The following RUNX2 variants were observed in gnomAD, a reference collection of about 807,000 sequenced individuals.
RUNX2 encodes runt-related transcription factor 2.
In RUNX2, 10 loss-of-function variants were observed where a neutral mutation model predicts 51.7. The observed-to-expected ratio is 0.19, with a 90% CI of 0.12 to 0.33. The LOEUF (loss-of-function observed/expected upper bound fraction) is 0.33, where lower values mean the gene tolerates loss of function less well. Among genes scored for constraint, RUNX2 ranks in the 10% least tolerant of loss-of-function variants. The pLI, the probability that RUNX2 is intolerant of heterozygous loss-of-function variation, is 1.00. For missense variants in RUNX2, 562 were observed against 691.3 expected (o/e 0.81, Z 2.10); for synonymous variants, 276 against 273.6 (o/e 1.01, Z -0.09).
At chr6:45,421,178 A>G (rs143223327) in intron 2 of RUNX2, 5 of 152,338 alleles carry the variant, frequency 3.3e-5, no homozygotes, top group African/African-American at 1.2e-4. Context: ...TTAATAAAAT[A>G]TTTAAATTCA....
At chr6:45,388,499 C>G (rs1327627968) in intron 2 of RUNX2, among the ~76,000 whole-genome samples, 1 of 152,184 alleles carries the variant, frequency 6.6e-6, no homozygotes, top group Non-Finnish European at 1.5e-5. Flanking sequence ...ATCAGATACT[C>G]TGGGGGGCGG....
At chr6:45,426,764 G>A (rs1798393708) in intron 3 of RUNX2, among the ~76,000 whole-genome samples, 1 of 152,128 alleles carries the variant, frequency 6.6e-6, no homozygotes. Flanking sequence ...TTCAGTGCTT[G>A]TCAAAAGGAG....
At chr6:45,537,169 A>C (rs890312483) in intron 7 of RUNX2, among the ~76,000 whole-genome samples, 2 of 152,206 alleles carry the variant, frequency 1.3e-5, no homozygotes, top group African/African-American at 4.8e-5. Context: ...TCAGAACACC[A>C]GTGGTAAAGA....
chr6:45,503,995 C>T (rs538038368), intron 6 of RUNX2, among the ~76,000 whole-genome samples: 4 of 152,238 alleles, frequency 2.6e-5, no homozygotes, highest in African/African-American at 9.6e-5. Context: ...GCCTGGTGTA[C>T]CCTACATAGC....
chr6:45,350,251 G>C (rs1791745128), intron 2 of RUNX2, among the ~76,000 whole-genome samples: 1 of 152,088 alleles, frequency 6.6e-6, no homozygotes, highest in Admixed American at 6.6e-5. Context: ...TACACAGTAG[G>C]CACCCACTTG....
intron 5 of RUNX2, among the ~76,000 whole-genome samples, chr6:45,468,553 C>T (rs557869983): frequency 6.6e-6 from 1 of 152,220 alleles, no homozygotes; most frequent in Non-Finnish European, 1.5e-5. Context: ...GTTGAAGCTC[C>T]TAATGAAACA....
chr6:45,453,962 T>C (rs1451375824), intron 5 of RUNX2, among the ~76,000 whole-genome samples: 1 of 152,242 alleles, frequency 6.6e-6, no homozygotes, highest in Admixed American at 6.5e-5. Flanking sequence ...CCCCTTTCTG[T>C]ATATTATATA....
chr6:45,475,015 T>A (rs1261141805), intron 5 of RUNX2, among the ~76,000 whole-genome samples: 1 of 151,214 alleles, frequency 6.6e-6, no homozygotes, highest in South Asian at 2.1e-4. Context: ...TCCCAGCTAC[T>A]GAGGAGGCTG....
chr6:45,367,581 G>A (rs572276587), intron 2 of RUNX2, among the ~76,000 whole-genome samples: 1 of 152,214 alleles, frequency 6.6e-6, no homozygotes, highest in South Asian at 2.1e-4. Flanking sequence ...AAGACCTCAG[G>A]AAATGTTCCC....
At chr6:45,457,646 A>G (rs1019617731) in intron 5 of RUNX2, among the ~76,000 whole-genome samples, 1 of 152,172 alleles carries the variant, frequency 6.6e-6, no homozygotes, top group Non-Finnish European at 1.5e-5. Flanking sequence ...AATTATTATT[A>G]TTTTTTATTC....
rs149497591 is a variant in RUNX2, at chr6:45,431,177, A to G, written c.424-686A>G. Reference sequence around the variant, plus strand: ...GATGGCAGATGGGACACAAGACATAATAGAACTGAGGCTAAGGGTATATAT... The same window carrying G: ...GATGGCAGATGGGACACAAGACATAGTAGAACTGAGGCTAAGGGTATATAT... On this transcript the variant is annotated intron_variant, in intron 3 of 8. Transcript: ENST00000647337. Among the ~76,000 whole-genome samples, 9 of 152,332 alleles carry G rather than the reference A, an allele frequency of 5.9e-5. 1 individual carries two copies. In the East Asian group the frequency reaches 1.7e-3, roughly 29 times the overall value.
chr6:45,466,878 C>A (rs924340621), intron 5 of RUNX2, among the ~76,000 whole-genome samples: 3 of 152,218 alleles, frequency 2.0e-5, no homozygotes, highest in African/African-American at 4.8e-5. Context: ...ACAATTCCTG[C>A]AATGCTTTAA....
chr6:45,398,802 A>G (rs757762315), intron 2 of RUNX2, among the ~76,000 whole-genome samples: 1 of 152,198 alleles, frequency 6.6e-6, no homozygotes, highest in Admixed American at 6.5e-5. Flanking sequence ...ACTCATCTCT[A>G]ATTATCACAA....
In RUNX2 at chr6:45,388,741, G is replaced by A. The variant is rs1436737644; in HGVS notation, c.59-33852G>A. Among the ~76,000 whole-genome samples the A allele has an allele frequency of 2.0e-5, 3 of 152,066 alleles. No homozygotes were observed. In the East Asian group the frequency reaches 5.8e-4, roughly 29 times the overall value. On this transcript the variant is annotated intron_variant, in intron 2 of 8. Coordinates refer to ENST00000647337, the MANE Select transcript of RUNX2 (RefSeq NM_001024630.4). ...GTTAAGGACTTTTAAAAATCTACTGGTTTCTCTCTAGAAATGGGTGTCATA... is the reference window on the plus strand; with the variant it reads ...GTTAAGGACTTTTAAAAATCTACTGATTTCTCTCTAGAAATGGGTGTCATA...
At position 45,399,692 on chromosome 6, in the gene RUNX2, C is replaced by CAAAG. The variant is rs567884098; in HGVS notation, c.59-22886_59-22883dup. Reference sequence around the variant, plus strand: ...CTCCCTGTTTCTTTCTTTCACTCTCCAAAGAAAGAAAGAAAGAAGAGAGGG... The same window carrying CAAAG: ...CTCCCTGTTTCTTTCTTTCACTCTCCAAAGAAAGAAAGAAAGAAAGAAGAGAGGG... On this transcript the variant is annotated intron_variant, in intron 2 of 8. Transcript: ENST00000647337. Among the ~76,000 whole-genome samples, 229 of 149,744 alleles carry CAAAG rather than the reference C, an allele frequency of 1.5e-3. 2 individuals are homozygous for CAAAG. The highest frequency in any genetic ancestry group is 0.011 in the East Asian group (56 of 4,980).
rs537717199 is a variant in RUNX2 at position 45,449,418 on chromosome 6, C to T, written c.685+11367C>T. The stretch of plus-strand genomic sequence containing the variant: ...TCTCTGTACATCTCTCTGAGGGAGG[C>T]GTTATGCATTTTACACATAGGTAAA... On this transcript the variant is annotated intron_variant, in intron 5 of 8. Transcript: ENST00000647337. Among the ~76,000 whole-genome samples, 12 of 152,246 alleles carry T rather than the reference C, an allele frequency of 7.9e-5. No homozygotes were observed. In the South Asian group the frequency reaches 2.1e-3, roughly 26 times the overall value.
At chr6:45,329,447 T>C (rs1406063259) in intron 2 of RUNX2, among the ~76,000 whole-genome samples, 1 of 151,980 alleles carries the variant, frequency 6.6e-6, no homozygotes, top group South Asian at 2.1e-4. Context: ...TTGCCCAGGA[T>C]ATTAAAAAGT....
At chr6:45,449,088 T>G (rs1459171284) in intron 5 of RUNX2, among the ~76,000 whole-genome samples, 1 of 152,166 alleles carries the variant, frequency 6.6e-6, no homozygotes, top group Non-Finnish European at 1.5e-5. Context: ...GTAAGGGTAG[T>G]TTGTGTTTAA....
At chr6:45,494,119 A>C (rs1365965703) in intron 6 of RUNX2, among the ~76,000 whole-genome samples, 2 of 152,234 alleles carry the variant, frequency 1.3e-5, no homozygotes, top group Non-Finnish European at 2.9e-5. Context: ...AAAATTGTGA[A>C]GAGGATCTGT....
Sources: gnomAD v4.1 joint callset for allele counts (sites outside exome capture counted in the v4.1 genomes callset) on GRCh38, gnomAD v4.1.1 for gene constraint, MANE v1.5 for transcripts, NCBI Gene and HGNC (gene_info 2026-07-23, HGNC 2026-07-21) for gene names.